Variants in PALLD observed in about 807,000 individuals in gnomAD.
The protein encoded by PALLD is palladin.
A neutral mutation model predicts 123.5 loss-of-function variants in PALLD; 61 were observed. The observed-to-expected ratio is 0.49, with a 90% confidence interval of 0.40 to 0.61. PALLD has a LOEUF of 0.61. Among genes scored for constraint, PALLD ranks in the 20% least tolerant of loss-of-function variants. The pLI is 0.00. For synonymous variants in PALLD, 465 were observed against 496.4 expected, an observed-to-expected ratio of 0.94 and a Z score of 0.84; for missense variants, 1,273 against 1,377.0, an observed-to-expected ratio of 0.92 and a Z score of 1.20.
intron 2 of PALLD, among the ~76,000 whole-genome samples, chr4:168,558,814 A>G (rs1320894608): frequency 6.6e-6 from 1 of 152,202 alleles, no homozygotes; most frequent in Admixed American, 6.5e-5. Flanking sequence ...GGAGTTCATC[A>G]TAATCAACAT....
intron 10 of PALLD, among the ~76,000 whole-genome samples, chr4:168,812,527 C>T (rs1441190600): frequency 6.6e-6 from 1 of 152,196 alleles, no homozygotes; most frequent in Non-Finnish European, 1.5e-5. Context: ...TCCAGGATGG[C>T]AATCTGAGTC....
intron 1 of PALLD, among the ~76,000 whole-genome samples, chr4:168,498,162 G>T (rs1408951208): frequency 6.6e-6 from 1 of 151,778 alleles, no homozygotes; most frequent in Non-Finnish European, 1.5e-5. Flanking sequence ...AAGTCTCTTT[G>T]ACAAGTTATT....
intron 2 of PALLD, among the ~76,000 whole-genome samples, chr4:168,597,251 T>A (rs774467733): frequency 2.0e-4 from 31 of 152,190 alleles, no homozygotes; most frequent in Non-Finnish European, 3.8e-4. Flanking sequence ...GATTGGCAAG[T>A]ATACAAAATT....
chr4:168,704,801 T>C (rs1368528347), intron 8 of PALLD, among the ~76,000 whole-genome samples: 6 of 152,040 alleles, frequency 3.9e-5, no homozygotes, highest in Non-Finnish European at 7.4e-5. Context: ...TTTGGTTCTG[T>C]TTTTACAGAC....
intron 5 of PALLD, 26 bp downstream of exon 5, chr4:168,683,129 A>AT (rs1161594781): frequency 2.2e-6 from 3 of 1,372,216 alleles, no homozygotes; most frequent in African/African-American, 1.4e-5. Context: ...GCCAGAGCCC[A>AT]TAAGGGGTCG....
intron 1 of PALLD, among the ~76,000 whole-genome samples, chr4:168,499,402 G>T (rs1761160213): frequency 6.7e-6 from 1 of 150,122 alleles, no homozygotes; most frequent in African/African-American, 2.5e-5. Context: ...GTCTAGGGGG[G>T]TTGCCTGTGA....
intron 9 of PALLD, 113 bp from the exon 10 acceptor site, chr4:168,711,468 T>C (rs184530722): frequency 1.2e-6 from 1 of 822,060 alleles, no homozygotes; most frequent in East Asian, 2.5e-5. Flanking sequence ...CAATCACCTC[T>C]TCTTTAACAA....
intron 8 of PALLD, among the ~76,000 whole-genome samples, chr4:168,708,376 C>G (rs1217046625): frequency 2.6e-5 from 4 of 152,118 alleles, no homozygotes; most frequent in African/African-American, 7.2e-5. Flanking sequence ...ATTATTGTCT[C>G]CATTTTACGG....
intron 10 of PALLD, among the ~76,000 whole-genome samples, chr4:168,865,634 GTGT>G: frequency 6.6e-6 from 1 of 152,254 alleles, no homozygotes. Context: ...CGTCTTTATA[GTGT>G]TGTTCACCAT....
intron 5 of PALLD, among the ~76,000 whole-genome samples, chr4:168,683,365 A>G (rs1006331586): frequency 4.6e-5 from 7 of 152,218 alleles, no homozygotes; most frequent in African/African-American, 7.2e-5. Flanking sequence ...TAATAATCTG[A>G]TAAACTGGTG....
chr4:168,684,418 C>T (rs1320049716), intron 5 of PALLD, among the ~76,000 whole-genome samples: 1 of 152,180 alleles, frequency 6.6e-6, no homozygotes, highest in Non-Finnish European at 1.5e-5. Context: ...TGCTCTGGAA[C>T]CAGACTCCCT....
chr4:168,859,847 A>G (rs1749175976), intron 10 of PALLD, among the ~76,000 whole-genome samples: 1 of 152,236 alleles, frequency 6.6e-6, no homozygotes, highest in Non-Finnish European at 1.5e-5. Context: ...AAAAGGAAAA[A>G]GAAATTAATT....
At chr4:168,793,579 T>C (rs999378635) in intron 10 of PALLD, among the ~76,000 whole-genome samples, 6 of 152,056 alleles carry the variant, frequency 3.9e-5, no homozygotes, top group African/African-American at 1.4e-4. Flanking sequence ...CTCACTAGCA[T>C]GAGATGACTT....
intron 9 of PALLD, among the ~76,000 whole-genome samples, chr4:168,709,831 A>G (rs1784663945): frequency 1.3e-5 from 2 of 152,076 alleles, no homozygotes; most frequent in Admixed American, 6.5e-5. Context: ...CTGAACACAC[A>G]GGGGGCTTTC....
chr4:168,890,974 A>G lies in PALLD; in HGVS notation c.2017A>G (p.Ile673Val). ...TGCTAGAATAGCCTCCGATGAGGAA[A>G]TTCAAGGCACAAAGGATGCTGTTAT... ...RTARIASDEE[I>V]QGTKDAVIQD... The change falls in exon 11 of 22, where the codon ATT becomes GTT. Residue 673 changes from isoleucine (I) to valine (V), a missense_variant. Ile to Val is a conservative substitution (Grantham distance 29). Transcript: ENST00000505667. 6.2e-7 allele frequency: 1 copy of G among 1,614,102 alleles called. No individual in the cohort carries two copies.
rs766103840 is a variant in PALLD at position 168,921,768 on chromosome 4, T to C, written c.3058+27T>C. 5 of 1,531,234 alleles carry C rather than the reference T, an allele frequency of 3.3e-6. No homozygotes were observed. The South Asian group carries it at 5.6e-5, about 17-fold the overall frequency. 94.9% of individuals were successfully genotyped at this position (1,531,234 alleles called of 1,614,324 possible). A position where few individuals can be genotyped will look rare whatever the true frequency, so the allele number is the denominator to read the frequency against. ...TAGGCTCATCTGTGAATCCTTGCTCTCTGACAGAATGAACATCAGACTTAC... is the reference window on the plus strand; with the variant it reads ...TAGGCTCATCTGTGAATCCTTGCTCCCTGACAGAATGAACATCAGACTTAC... On this transcript the variant is annotated intron_variant, in intron 18 of 21. Coordinates refer to ENST00000505667, the MANE Select transcript of PALLD (RefSeq NM_001166108.2).
chr4:168,581,398 G>A (rs896792954), intron 2 of PALLD, among the ~76,000 whole-genome samples: 1 of 151,700 alleles, frequency 6.6e-6, no homozygotes, highest in African/African-American at 2.4e-5. Context: ...TTTTCTTCAC[G>A]CCCTTGCCAA....
intron 10 of PALLD, among the ~76,000 whole-genome samples, chr4:168,732,920 A>C (rs1395244065): frequency 6.6e-6 from 1 of 152,232 alleles, no homozygotes; most frequent in Non-Finnish European, 1.5e-5. Context: ...ATAGGTCAGA[A>C]GACTTACAGG....
intron 10 of PALLD, among the ~76,000 whole-genome samples, chr4:168,815,374 G>A (rs182542252): frequency 3.7e-4 from 56 of 152,324 alleles, no homozygotes; most frequent in South Asian, 4.1e-4. Flanking sequence ...ATCCAGGCTC[G>A]TTGAGATTCT....
Sources: gnomAD v4.1 joint callset for allele counts (sites outside exome capture counted in the v4.1 genomes callset) on GRCh38, gnomAD v4.1.1 for gene constraint, MANE v1.5 for transcripts, NCBI Gene and HGNC (gene_info 2026-07-23, HGNC 2026-07-21) for gene names.